Variants in GPHN observed in about 807,000 individuals in gnomAD.
The protein encoded by GPHN is gephyrin.
In GPHN, 17 loss-of-function variants were observed where a neutral mutation model predicts 95.5. The observed-to-expected ratio is 0.18, with a 90% CI of 0.12 to 0.27. The LOEUF is 0.27. Among genes scored for constraint, GPHN ranks in the 10% least tolerant of loss-of-function variants. The probability of loss-of-function intolerance (pLI) is 1.00; values close to 1 mark genes in which losing one functional copy is unlikely to be tolerated. For missense variants in GPHN, 660 were observed against 978.1 expected, an observed-to-expected ratio of 0.67 and a Z score of 4.34; for synonymous variants, 320 against 322.5, an observed-to-expected ratio of 0.99 and a Z score of 0.08.
intron 1 of GPHN, among the ~76,000 whole-genome samples, chr14:66,521,202 A>G (rs936598264): frequency 3.3e-5 from 5 of 151,958 alleles, no homozygotes; most frequent in Admixed American, 6.6e-5. Flanking sequence ...AATGATTTCT[A>G]TTTCTCTGGG....
chr14:67,430,960 A>G, the GPHN span, among the ~76,000 whole-genome samples: 1 of 152,140 alleles, frequency 6.6e-6, no homozygotes, highest in Non-Finnish European at 1.5e-5. Flanking sequence ...ATACAATCCT[A>G]TAGGTGCCCC....
intron 18 of GPHN, among the ~76,000 whole-genome samples, chr14:67,155,008 A>T (rs971039885): frequency 2.0e-5 from 3 of 152,122 alleles, no homozygotes; most frequent in Admixed American, 2.0e-4. Flanking sequence ...CTAAGCCAGG[A>T]GTGAGGTGGG....
chr14:67,363,134 A>G, the GPHN span, among the ~76,000 whole-genome samples: 10 of 152,202 alleles, frequency 6.6e-5, no homozygotes, highest in East Asian at 3.9e-4. Context: ...GTTTATTTTT[A>G]TGCCCAATTT....
chr14:67,050,734 A>G (rs72715308), intron 10 of GPHN, among the ~76,000 whole-genome samples: 7,243 of 152,224 alleles, frequency 0.048, 204 homozygotes, highest in Middle Eastern at 0.068. Flanking sequence ...CACGTAGAAG[A>G]ATGAAAACAG....
intron 8 of GPHN, among the ~76,000 whole-genome samples, chr14:66,940,071 G>T (rs1213663773): frequency 1.3e-5 from 2 of 152,116 alleles, no homozygotes; most frequent in Non-Finnish European, 2.9e-5. Flanking sequence ...TAGCATTTCA[G>T]ACTTCTGGGT....
At chr14:66,808,960 A>G (rs2060655404) in intron 3 of GPHN, among the ~76,000 whole-genome samples, 1 of 152,160 alleles carries the variant, frequency 6.6e-6, no homozygotes, top group African/African-American at 2.4e-5. Context: ...GTAAATAAGC[A>G]TTGTGGTTTT....
intron 8 of GPHN, among the ~76,000 whole-genome samples, chr14:66,950,582 A>G (rs2068042883): frequency 6.6e-6 from 1 of 152,106 alleles, no homozygotes; most frequent in Non-Finnish European, 1.5e-5. Flanking sequence ...TTATTATTAG[A>G]TATCATCTAT....
At chr14:66,639,614 A>T (rs890844839) in intron 1 of GPHN, among the ~76,000 whole-genome samples, 4 of 148,646 alleles carry the variant, frequency 2.7e-5, no homozygotes, top group South Asian at 4.2e-4. Flanking sequence ...GGTGATGATT[A>T]TTTTTTTTTT....
chr14:67,263,401 A>G, the GPHN span, among the ~76,000 whole-genome samples: 3 of 152,168 alleles, frequency 2.0e-5, no homozygotes, highest in Non-Finnish European at 4.4e-5. Context: ...AAAAAACAAG[A>G]AGAGACTATT....
chr14:67,471,929 C>T, the GPHN span: 2 of 152,312 alleles, frequency 1.3e-5, no homozygotes, highest in African/African-American at 4.8e-5. Context: ...GGGTGGGCCA[C>T]TTTCTAACGG....
intron 12 of GPHN, among the ~76,000 whole-genome samples, chr14:67,093,597 C>T (rs1181674796): frequency 6.6e-6 from 1 of 151,858 alleles, no homozygotes; most frequent in Non-Finnish European, 1.5e-5. Flanking sequence ...TAGTTAATTC[C>T]AAAAAGAAAA....
At position 66,693,655 on chromosome 14, in the gene GPHN, G is replaced by A. The variant is rs534844313; in HGVS notation, c.143+12470G>A. Among the ~76,000 whole-genome samples, 4 of 152,230 alleles carry A rather than the reference G, an allele frequency of 2.6e-5. No homozygotes were observed. The South Asian group carries it at 8.3e-4, about 32-fold the overall frequency. On this transcript the variant is annotated intron_variant, in intron 2 of 22. Transcript: ENST00000478722. ...AATTGGGTAGGTCTGCCCACATTGA[G>A]GGCAGATCTTACTTACTCAGCCTAT...
chr14:67,224,842 G>T, the GPHN span: 1 of 308,656 alleles, frequency 3.2e-6, no homozygotes, highest in Non-Finnish European at 6.0e-6. Flanking sequence ...TAAGCAGCCA[G>T]GTTCATTCTT....
intron 5 of GPHN, among the ~76,000 whole-genome samples, 168 bp downstream of exon 5, chr14:66,880,201 A>G (rs1364432606): frequency 6.6e-6 from 1 of 150,866 alleles, no homozygotes; most frequent in Non-Finnish European, 1.5e-5. Flanking sequence ...ATCATTGTTA[A>G]AAAAAAAAGT....
At chr14:67,387,436 C>T in the GPHN span, 1 of 1,607,598 alleles carries the variant, frequency 6.2e-7, no homozygotes, top group Non-Finnish European at 8.5e-7. Flanking sequence ...AAGAGGTTTC[C>T]CTGGACATTC....
the GPHN span, among the ~76,000 whole-genome samples, chr14:67,268,514 G>A: frequency 6.6e-6 from 1 of 152,180 alleles, no homozygotes; most frequent in Non-Finnish European, 1.5e-5. Flanking sequence ...TCTAAGCAAG[G>A]GGTGGATTCA....
At chr14:66,838,939 T>C (rs1255821750) in intron 4 of GPHN, among the ~76,000 whole-genome samples, 1 of 152,202 alleles carries the variant, frequency 6.6e-6, no homozygotes, top group Non-Finnish European at 1.5e-5. Flanking sequence ...AGGCATCTGA[T>C]AGGGATTCAG....
chr14:66,786,085 TAGTC>T (rs143601405), intron 3 of GPHN, among the ~76,000 whole-genome samples: 4,841 of 152,022 alleles, frequency 0.032, 119 homozygotes, highest in Non-Finnish European at 0.043. Context: ...AGGAAAACAA[TAGTC>T]AGTAAAATAA....
chr14:67,524,948 G>A, the GPHN span, among the ~76,000 whole-genome samples: 1 of 152,312 alleles, frequency 6.6e-6, no homozygotes, highest in East Asian at 1.9e-4. Context: ...AGGAATGGGT[G>A]GTTATGGGTG....
Sources: gnomAD v4.1 joint callset for allele counts (sites outside exome capture counted in the v4.1 genomes callset) on GRCh38, gnomAD v4.1.1 for gene constraint, MANE v1.5 for transcripts, NCBI Gene and HGNC (gene_info 2026-07-23, HGNC 2026-07-21) for gene names.